Variants in CLDN11 observed in about 807,000 individuals in gnomAD.
CLDN11 encodes claudin 11, also known as claudin-11.
In CLDN11, 1 loss-of-function variant was observed where a neutral mutation model predicts 18.0. The observed-to-expected ratio is 0.06, with a 90% confidence interval of 0.02 to 0.26. CLDN11 has a LOEUF of 0.26. Ranked by LOEUF, CLDN11 falls within the 10% of genes least tolerant of loss-of-function variation. CLDN11 has a pLI of 1.00. For synonymous variants in CLDN11, 116 were observed against 121.5 expected (o/e 0.96, Z 0.30); for missense variants, 172 against 276.6 (o/e 0.62, Z 2.68).
At chr3:170,423,388 G>A in intron 2 of CLDN11, 61 bp downstream of exon 2, 1 of 1,572,758 alleles carries the variant, frequency 6.4e-7, no homozygotes, top group Non-Finnish European at 8.7e-7. Context: ...CTCAGATCTT[G>A]TGGTTGCTGC....
intron 2 of CLDN11, among the ~76,000 whole-genome samples, chr3:170,426,738 C>T (rs1008893814): frequency 2.0e-5 from 3 of 152,032 alleles, no homozygotes; most frequent in South Asian, 4.2e-4. Context: ...AAAAGAATAC[C>T]CAGAGAGCAG....
chr3:170,419,305 G>A lies in CLDN11; in HGVS notation c.226+13G>A, dbSNP rs1005809286. 36 of 1,533,720 alleles carry A rather than the reference G, an allele frequency of 2.3e-5. No homozygotes were observed. Among genetic ancestry groups the A allele is most frequent in the Non-Finnish European group, 3.1e-5 (35 of 1,131,818 alleles). ...CTCATCCTGCCGGGTAAGGACCCGA[G>A]CTTGGCGGCGGCTCCCAAATCCTTA... On this transcript the variant is annotated intron_variant, in intron 1 of 2. Transcript: ENST00000064724. This position sits in a 1 kb window ranked among gnomAD's most constrained non-coding sequence, Gnocchi z 8.6.
intron 2 of CLDN11, among the ~76,000 whole-genome samples, 192 bp from the exon 3 acceptor site, chr3:170,432,332 C>CCAGCAGT (rs1366852913): frequency 6.6e-6 from 1 of 151,996 alleles, no homozygotes; most frequent in Non-Finnish European, 1.5e-5. Context: ...AAATAAGGAC[C>CCAGCAGT]CAGCAGTCTA....
chr3:170,429,246 G>A (rs1738941571), intron 2 of CLDN11, among the ~76,000 whole-genome samples: 1 of 152,248 alleles, frequency 6.6e-6, no homozygotes. Context: ...GTGGCAGTCT[G>A]TCATTTTTTA....
chr3:170,423,913 T>G (rs1056608360), intron 2 of CLDN11, among the ~76,000 whole-genome samples: 1 of 150,442 alleles, frequency 6.6e-6, no homozygotes, highest in Non-Finnish European at 1.5e-5. Flanking sequence ...TCCCAGCTAC[T>G]CGGGGCGGGG....
At chr3:170,432,401 G>A (rs1739021486) in intron 2 of CLDN11, 123 bp from the exon 3 acceptor site, 2 of 1,503,602 alleles carry the variant, frequency 1.3e-6, no homozygotes, top group Admixed American at 2.1e-5. Context: ...GCAGAACTGT[G>A]TGTATGGAGC....
chr3:170,432,471 G>GTGCT, intron 2 of CLDN11, 53 bp from the exon 3 acceptor site: 1 of 1,605,924 alleles, frequency 6.2e-7, no homozygotes, highest in Non-Finnish European at 8.5e-7. Flanking sequence ...GCCTGCCCAA[G>GTGCT]TGCTTGGTGT....
At chr3:170,429,778 A>G (rs1738950795) in intron 2 of CLDN11, among the ~76,000 whole-genome samples, 1 of 152,210 alleles carries the variant, frequency 6.6e-6, no homozygotes, top group Middle Eastern at 3.2e-3. Context: ...TTCTTGTCTT[A>G]TTCTATAAAA....
In CLDN11 at chr3:170,419,675, G is replaced by A. The variant is rs79080158; in HGVS notation, c.226+383G>A. Among the ~76,000 whole-genome samples, 397 of 152,348 alleles carry A rather than the reference G, an allele frequency of 2.6e-3. 1 individual carries two copies. Among genetic ancestry groups the A allele is most frequent in the Non-Finnish European group, 4.8e-3 (329 of 68,020 alleles). On this transcript the variant is annotated intron_variant, in intron 1 of 2. Coordinates refer to ENST00000064724, the MANE Select transcript of CLDN11 (RefSeq NM_005602.6). The surrounding 1 kb of genome is among the most constrained non-coding windows in gnomAD (Gnocchi z 8.6). ...CGCCCGGCCTCCCCCGGGGCGCCGA[G>A]CCTTCGCGTTAGGTTCCGCCCGCAG... is the stretch of plus-strand genomic sequence containing the variant.
intron 2 of CLDN11, among the ~76,000 whole-genome samples, chr3:170,428,225 CTGTCTGTCTCTCTTTCTCTCAGTTG>C: frequency 6.6e-6 from 1 of 151,282 alleles, no homozygotes; most frequent in Admixed American, 6.6e-5. Context: ...CTTTGTCTGT[CTGTCTGTCTCTCTTTCTCTCAGTTG>C]TTACCTCCAA....
chr3:170,428,487 T>G (rs980402585), intron 2 of CLDN11, among the ~76,000 whole-genome samples: 7 of 152,244 alleles, frequency 4.6e-5, no homozygotes, highest in Non-Finnish European at 8.8e-5. Flanking sequence ...TATTTGAAAC[T>G]TGTTCTCAAA....
chr3:170,421,824 A>T (rs1281265376), intron 1 of CLDN11, among the ~76,000 whole-genome samples: 2 of 152,218 alleles, frequency 1.3e-5, no homozygotes, highest in Non-Finnish European at 2.9e-5. Flanking sequence ...CACATATTGT[A>T]ATCTGTTTCT....
Position 170,423,189 on chromosome 3 carries a change from A to G in CLDN11, c.253A>G (p.Met85Val), listed in dbSNP as rs1181799552. The G allele has an allele frequency of 1.2e-6, 2 of 1,613,970 alleles. No homozygotes were observed. The highest frequency in any genetic ancestry group is 2.7e-5 in the African/African-American group (2 of 74,894). ...PGYVQACRAL[M>V]IAASVLGLPA... is the part of the protein sequence containing the mutation. ...CTACGTGCAGGCCTGCCGCGCCCTG[A>G]TGATTGCTGCCTCGGTCCTGGGTCT... The change falls in exon 2 of 3, where the codon ATG becomes GTG. Residue 85 changes from methionine (M) to valine (V), a missense_variant. By Grantham distance (21) the Met-to-Val change is conservative. Transcript: ENST00000064724.
Position 170,419,010 on chromosome 3 carries a change from G to T in CLDN11, c.-57G>T. On this transcript the variant is annotated 5_prime_UTR_variant, in exon 1 of 3. Transcript: ENST00000064724. The surrounding 1 kb of genome is among the most constrained non-coding windows in gnomAD (Gnocchi z 8.6). ...GACGTACCTGGGCAGGCACTGTCCA[G>T]CCCAGGCCCAGGCACAGCCGTGAGG... 2.2e-6 allele frequency: 3 copies of T among 1,350,386 alleles called. No individual in the cohort carries two copies. Among genetic ancestry groups the T allele is most frequent in the Non-Finnish European group, 3.1e-6 (3 of 968,448 alleles). 83.7% of individuals were successfully genotyped at this position (1,350,386 alleles called of 1,614,324 possible).
chr3:170,418,926 C>A lies in CLDN11; in HGVS notation c.-141C>A. ...CTGAGCTCGCAGCCTCCGGCGCCCA[C>A]CTCCACCTCCAGTGTCCCGCCTCGG... On this transcript the variant is annotated 5_prime_UTR_variant, in exon 1 of 3. Transcript: ENST00000064724. The surrounding 1 kb of genome is among the most constrained non-coding windows in gnomAD (Gnocchi z 4.3). The A allele has an allele frequency of 3.1e-6, 2 of 642,978 alleles. No homozygotes were observed. The highest frequency in any genetic ancestry group is 4.0e-5 in the South Asian group (2 of 50,568). The allele number at this position is 642,978 out of a possible 1,614,324, so 39.8% of individuals were successfully genotyped here.
Position 170,423,272 on chromosome 3 carries a change from C to A in CLDN11, c.336C>A (p.Pro112=), listed in dbSNP as rs150789369. ...VLPCIRMGQE[P]GVAKYRRAQL... is the part of the protein sequence containing the mutation. ...CCTGCATCCGGATGGGCCAGGAGCC[C>A]GGTGTGGCTAAGTACAGGCGGGCCC... Residue 112 remains proline, a synonymous_variant, in exon 2 of 3, where the codon CCC becomes CCA. Coordinates refer to ENST00000064724, the MANE Select transcript of CLDN11 (RefSeq NM_005602.6). 1.2e-6 allele frequency: 2 copies of A among 1,614,140 alleles called. No homozygotes were observed. Among genetic ancestry groups the A allele is most frequent in the East Asian group, 2.2e-5 (1 of 44,878 alleles).
chr3:170,427,939 T>G (rs1738898619), intron 2 of CLDN11, among the ~76,000 whole-genome samples: 1 of 151,584 alleles, frequency 6.6e-6, no homozygotes, highest in East Asian at 2.0e-4. Context: ...GGCAGATTGC[T>G]TGAGCCCAGG....
intron 2 of CLDN11, among the ~76,000 whole-genome samples, chr3:170,430,689 A>G (rs111885267): frequency 0.032 from 4,550 of 142,874 alleles, 245 homozygotes; most frequent in African/African-American, 0.11. Flanking sequence ...GATTACAGTC[A>G]CCCACCATCC....
chr3:170,428,463 G>A (rs1738918133), intron 2 of CLDN11, among the ~76,000 whole-genome samples: 1 of 152,190 alleles, frequency 6.6e-6, no homozygotes, highest in African/African-American at 2.4e-5. Context: ...ATTAAAGAAT[G>A]TATTGTGTTG....
Sources: allele counts gnomAD v4.1 joint callset (sites outside exome capture counted in the v4.1 genomes callset), GRCh38; gene constraint gnomAD v4.1.1; non-coding constraint Gnocchi (gnomAD v3.1); transcripts MANE v1.5; gene names NCBI Gene and HGNC (gene_info 2026-07-23, HGNC 2026-07-21).